RMDN2: variants seen among roughly 807,000 people sequenced by gnomAD.
The protein encoded by RMDN2 is regulator of microtubule dynamics 2, also known as regulator of microtubule dynamics protein 2.
In RMDN2, 61 loss-of-function variants were observed where a neutral mutation model predicts 52.8. The observed-to-expected ratio is 1.16, with a 90% CI of 0.94 to 1.43. RMDN2 has a LOEUF of 1.43. RMDN2 is among the 40% of genes most tolerant of loss of function. RMDN2 has a pLI of 0.00. For missense variants in RMDN2, 592 were observed against 475.3 expected (o/e 1.25, Z -2.28); for synonymous variants, 180 against 153.1 (o/e 1.18, Z -1.30).
intron 10 of RMDN2, among the ~76,000 whole-genome samples, chr2:38,042,424 C>CCACACA (rs1553388802): frequency 3.0e-5 from 3 of 100,734 alleles, no homozygotes; most frequent in Non-Finnish European, 8.5e-5. Flanking sequence ...CACACACACA[C>CCACACA]CACACACACA....
Position 38,062,711 on chromosome 2 carries a change from C to T in RMDN2, c.1714-4271C>T, listed in dbSNP as rs550925552. The stretch of plus-strand genomic sequence containing the variant: ...ATACATGTACCATGTTGGTGTGCTG[C>T]ACCCATTAACTTGTCATTTAGCATT... On this transcript the variant is annotated intron_variant, in intron 10 of 10. Transcript: ENST00000234195. 2.6e-5 allele frequency among the ~76,000 whole-genome samples: 4 copies of T among 151,902 alleles called. No individual in the cohort carries two copies. The South Asian group carries it at 6.2e-4, about 24-fold the overall frequency.
intron 1 of RMDN2, among the ~76,000 whole-genome samples, chr2:37,927,431 C>T (rs1446477509): frequency 1.3e-5 from 2 of 152,152 alleles, no homozygotes; most frequent in African/African-American, 4.8e-5. Context: ...GGTGCAGTTC[C>T]TAAAGAAAGG....
rs138472050 is a variant in RMDN2, at chr2:37,983,522, A to G, written c.791+2179A>G. ...TTCACCTAATTTCTTATTCAGTATCAGTTTTGAATTAAAAAAATAAAATTA... is the reference window on the plus strand; with the variant it reads ...TTCACCTAATTTCTTATTCAGTATCGGTTTTGAATTAAAAAAATAAAATTA... On this transcript the variant is annotated intron_variant, in intron 5 of 10. Coordinates refer to ENST00000354545, the MANE Select transcript of RMDN2 (RefSeq NM_001170791.3). 2.7e-3 allele frequency among the ~76,000 whole-genome samples: 410 copies of G among 152,350 alleles called. 2 individuals carry two copies. The highest frequency in any genetic ancestry group is 0.01 in the Middle Eastern group (3 of 294).
intron 4 of RMDN2, among the ~76,000 whole-genome samples, chr2:37,977,609 G>A (rs907607549): frequency 6.6e-6 from 1 of 151,092 alleles, no homozygotes; most frequent in African/African-American, 2.4e-5. Flanking sequence ...CTCAGACCGG[G>A]CGGCCGCTCA....
intron 3 of RMDN2, chr2:37,974,894 A>C (rs1287523645): frequency 3.9e-6 from 1 of 254,318 alleles, no homozygotes; most frequent in African/African-American, 2.3e-5. Context: ...AAGGAAAAGA[A>C]GAAAAGGATG....
At chr2:38,057,654 T>C (rs1399879238) in intron 10 of RMDN2, among the ~76,000 whole-genome samples, 1 of 152,160 alleles carries the variant, frequency 6.6e-6, no homozygotes, top group Non-Finnish European at 1.5e-5. Flanking sequence ...TCCCCAGTGT[T>C]GGTGGTGGGG....
chr2:37,965,324 T>A (rs1417472017), intron 2 of RMDN2, among the ~76,000 whole-genome samples: 1 of 151,060 alleles, frequency 6.6e-6, no homozygotes, highest in Admixed American at 6.6e-5. Flanking sequence ...CATTGCTACC[T>A]CTCTTTGTGT....
intron 2 of RMDN2, among the ~76,000 whole-genome samples, chr2:37,955,450 C>A (rs967620534): frequency 1.3e-5 from 2 of 152,050 alleles, no homozygotes; most frequent in Admixed American, 1.3e-4. Context: ...TGGAGATGAT[C>A]ATGGGTTGTT....
intron 10 of RMDN2, among the ~76,000 whole-genome samples, chr2:38,011,493 C>T (rs529390224): frequency 2.0e-5 from 3 of 152,274 alleles, no homozygotes; most frequent in African/African-American, 7.2e-5. Context: ...AAAAAACCCT[C>T]CTCTTTTTCT....
At position 37,940,073 on chromosome 2, in the gene RMDN2, C is replaced by G. The variant is rs565988546; in HGVS notation, c.452+10344C>G. ...CCTTCAGGAGCTCTTGTAAGGCAGGCCTGGTGGTGACAAAATCCCTCAGCA... is the reference window on the plus strand; with the variant it reads ...CCTTCAGGAGCTCTTGTAAGGCAGGGCTGGTGGTGACAAAATCCCTCAGCA... On this transcript the variant is annotated intron_variant, in intron 2 of 10. Coordinates refer to ENST00000354545, the MANE Select transcript of RMDN2 (RefSeq NM_001170791.3). Among the ~76,000 whole-genome samples, 6 of 152,272 alleles carry G rather than the reference C, an allele frequency of 3.9e-5. No homozygotes were observed. In the East Asian group the frequency reaches 9.6e-4, roughly 24 times the overall value.
chr2:38,015,069 A>G (rs367924340), intron 10 of RMDN2, among the ~76,000 whole-genome samples: 1 of 152,246 alleles, frequency 6.6e-6, no homozygotes, highest in Non-Finnish European at 1.5e-5. Context: ...GCTCATTAAA[A>G]ATACAGGTTC....
chr2:38,059,579 C>A (rs549727026), intron 10 of RMDN2, among the ~76,000 whole-genome samples: 17 of 152,114 alleles, frequency 1.1e-4, no homozygotes, highest in African/African-American at 3.6e-4. Flanking sequence ...GTGTTGGGAG[C>A]GTAGGGAACA....
chr2:37,947,909 A>C (rs1668355904), intron 2 of RMDN2, among the ~76,000 whole-genome samples: 1 of 152,140 alleles, frequency 6.6e-6, no homozygotes, highest in East Asian at 1.9e-4. Context: ...CCCGTGTGTA[A>C]TGTAGATTCT....
At chr2:38,007,621 G>A (rs997405475) in intron 10 of RMDN2, among the ~76,000 whole-genome samples, 10 of 151,958 alleles carry the variant, frequency 6.6e-5, no homozygotes, top group African/African-American at 9.7e-5. Context: ...TCTTCCTAGA[G>A]GTCTATCAAT....
intron 7 of RMDN2, among the ~76,000 whole-genome samples, chr2:37,992,151 TA>T (rs76065379): frequency 0.16 from 24,994 of 152,116 alleles, 2,165 homozygotes; most frequent in African/African-American, 0.19. Flanking sequence ...ATACCAGTTT[TA>T]AAAGATTAAA....
intron 10 of RMDN2, among the ~76,000 whole-genome samples, chr2:38,065,966 G>C (rs759797128): frequency 1.3e-5 from 2 of 152,108 alleles, no homozygotes; most frequent in Admixed American, 1.3e-4. Flanking sequence ...AATTGCTTGC[G>C]AAACTCCCAG....
At chr2:37,955,859 T>C (rs551105642) in intron 2 of RMDN2, among the ~76,000 whole-genome samples, 1 of 152,308 alleles carries the variant, frequency 6.6e-6, no homozygotes, top group South Asian at 2.1e-4. Context: ...TTACATTGGC[T>C]GATTTTTACA....
At chr2:38,064,684 A>G (rs543598060) in intron 10 of RMDN2, among the ~76,000 whole-genome samples, 3 of 152,288 alleles carry the variant, frequency 2.0e-5, no homozygotes, top group East Asian at 1.9e-4. Context: ...CTGCTTTTCA[A>G]TGAATATACC....
chr2:38,021,788 A>G (rs1268733261), downstream of RMDN2, among the ~76,000 whole-genome samples: 1 of 152,196 alleles, frequency 6.6e-6, no homozygotes, highest in Non-Finnish European at 1.5e-5. Flanking sequence ...TAATATGAGC[A>G]GTGGGGAGCA....
Sources: allele counts gnomAD v4.1 joint callset (sites outside exome capture counted in the v4.1 genomes callset), GRCh38; gene constraint gnomAD v4.1.1; transcripts MANE v1.5; gene names NCBI Gene and HGNC (gene_info 2026-07-23, HGNC 2026-07-21).